The following MYO9A variants were observed in gnomAD, a reference collection of about 807,000 sequenced individuals.
MYO9A encodes myosin IXA.
A neutral mutation model predicts 293.3 loss-of-function variants in MYO9A; 103 were observed. The observed-to-expected ratio is 0.35, with a 90% CI of 0.30 to 0.41. The LOEUF (loss-of-function observed/expected upper bound fraction) is 0.41. Among genes scored for constraint, MYO9A ranks in the 10% least tolerant of loss-of-function variants. The pLI, the probability that MYO9A is intolerant of heterozygous loss-of-function variation, is 1.00. For missense variants in MYO9A, 2,685 were observed against 3,033.0 expected (o/e 0.89, Z 2.69); for synonymous variants, 1,001 against 1,035.7 (o/e 0.97, Z 0.64).
chr15:72,096,775 G>T (rs1011857534), intron 1 of MYO9A, among the ~76,000 whole-genome samples: 1 of 152,186 alleles, frequency 6.6e-6, no homozygotes, highest in Non-Finnish European at 1.5e-5. Context: ...ATGACTCGTG[G>T]GAAGAGGTCA....
intron 4 of MYO9A, among the ~76,000 whole-genome samples, chr15:72,026,287 AAAAAAAAAAG>A (rs1264352150): frequency 7.6e-5 from 11 of 145,116 alleles, no homozygotes; most frequent in Non-Finnish European, 1.7e-4. Context: ...AAAAAAAAAA[AAAAAAAAAAG>A]AAAGAAAAGA....
intron 1 of MYO9A, among the ~76,000 whole-genome samples, chr15:72,064,492 G>A (rs1243119461): frequency 6.6e-6 from 1 of 152,160 alleles, no homozygotes; most frequent in Non-Finnish European, 1.5e-5. Flanking sequence ...AGATGGGGCA[G>A]AGAAGAAGGG....
At position 71,826,525 on chromosome 15, in the gene MYO9A, A is replaced by C; in HGVS notation, c.*55T>G. On this transcript the variant is annotated 3_prime_UTR_variant, in exon 42 of 42. Transcript: ENST00000356056. ...GGACGAGGTGATGAAACGCAGCCCC[A>C]AAGGTGAGATTTGTTTACCACTCTG... 6.7e-7 allele frequency: 1 copy of C among 1,494,150 alleles called. No individual in the cohort carries two copies. Among genetic ancestry groups the C allele is most frequent in the Non-Finnish European group, 9.0e-7 (1 of 1,113,270 alleles). 92.6% of individuals were successfully genotyped at this position (1,494,150 alleles called of 1,614,324 possible). A position where few individuals can be genotyped will look rare whatever the true frequency, so the allele number is the denominator to read the frequency against.
chr15:72,048,098 A>T (rs374550033), intron 1 of MYO9A, among the ~76,000 whole-genome samples: 82 of 151,908 alleles, frequency 5.4e-4, no homozygotes, highest in African/African-American at 1.5e-3. Context: ...CAAAACATAT[A>T]AAAAAAACCC....
At chr15:71,873,563 GTAT>G (rs2056590052) in intron 32 of MYO9A, among the ~76,000 whole-genome samples, 1 of 151,576 alleles carries the variant, frequency 6.6e-6, no homozygotes, top group Non-Finnish European at 1.5e-5. Flanking sequence ...ACTCCTATTT[GTAT>G]TATTGAAAAA....
intron 39 of MYO9A, among the ~76,000 whole-genome samples, chr15:71,841,932 G>C (rs1460903859): frequency 6.6e-6 from 1 of 151,832 alleles, no homozygotes; most frequent in African/African-American, 2.4e-5. Context: ...TTTAACCTAG[G>C]ATTTTTGAAT....
chr15:72,110,465 T>G (rs1461214858), intron 1 of MYO9A, among the ~76,000 whole-genome samples: 1 of 147,020 alleles, frequency 6.8e-6, no homozygotes, highest in African/African-American at 2.5e-5. Flanking sequence ...AAAAGAAAAT[T>G]CCAGAGATTA....
At chr15:72,023,702 A>C (rs1169006359) in intron 4 of MYO9A, among the ~76,000 whole-genome samples, 1 of 151,212 alleles carries the variant, frequency 6.6e-6, no homozygotes, top group Non-Finnish European at 1.5e-5. Context: ...TCTCAAAAAA[A>C]AAAAAAAAAA....
intron 4 of MYO9A, among the ~76,000 whole-genome samples, chr15:72,024,643 TTGA>T (rs926927093): frequency 2.6e-5 from 4 of 152,202 alleles, no homozygotes; most frequent in African/African-American, 9.7e-5. Context: ...TATAAATGTG[TTGA>T]TGGATGTACC....
At chr15:71,875,425 C>G (rs1365242153) in intron 32 of MYO9A, among the ~76,000 whole-genome samples, 1 of 152,078 alleles carries the variant, frequency 6.6e-6, no homozygotes, top group Non-Finnish European at 1.5e-5. Flanking sequence ...GTTCAAATGC[C>G]TTCAGAAATG....
chr15:72,021,139 T>A (rs1338488018), intron 4 of MYO9A, 122 bp from the exon 5 acceptor site: 1 of 595,110 alleles, frequency 1.7e-6, no homozygotes, highest in Non-Finnish European at 2.9e-6. Context: ...TTTTTTAATA[T>A]AAATGTGATA....
At chr15:71,856,815 T>C (rs1399211091) in intron 34 of MYO9A, among the ~76,000 whole-genome samples, 1 of 152,154 alleles carries the variant, frequency 6.6e-6, no homozygotes, top group Non-Finnish European at 1.5e-5. Flanking sequence ...TCTTGGAATA[T>C]TTAGAGGATG....
At chr15:71,954,587 T>C (rs2059135571) in intron 14 of MYO9A, among the ~76,000 whole-genome samples, 2 of 152,240 alleles carry the variant, frequency 1.3e-5, no homozygotes, top group South Asian at 4.1e-4. Context: ...ATTTCTTAGT[T>C]TGACATTATG....
intron 1 of MYO9A, among the ~76,000 whole-genome samples, chr15:72,091,073 C>T (rs1359080277): frequency 6.6e-6 from 1 of 151,722 alleles, no homozygotes; most frequent in Non-Finnish European, 1.5e-5. Context: ...GTGGCTCATA[C>T]CTGTAGTCCT....
Position 71,854,621 on chromosome 15 carries a change from A to ATTGTTTAACCATTTCT in MYO9A, c.6154-53_6154-52insAGAAATGGTTAAACAA, listed in dbSNP as rs539773367. The stretch of plus-strand genomic sequence containing the variant: ...CAAATGCATTCAAACATCTTGAAAC[A>ATTGTTTAACCATTTCT]TGTTTAACCATTTCTTTACCAGGAG... On this transcript the variant is annotated intron_variant, in intron 34 of 41. Coordinates refer to ENST00000356056, the MANE Select transcript of MYO9A (RefSeq NM_006901.4). The ATTGTTTAACCATTTCT allele has an allele frequency of 1.6e-4, 220 of 1,379,242 alleles. No individual in the cohort carries two copies. In the African/African-American group the frequency reaches 2.9e-3, roughly 18 times the overall value. 85.4% of individuals were successfully genotyped at this position (1,379,242 alleles called of 1,614,324 possible).
chr15:71,829,875 C>A (rs966855362), intron 40 of MYO9A, among the ~76,000 whole-genome samples: 1 of 152,130 alleles, frequency 6.6e-6, no homozygotes, highest in Non-Finnish European at 1.5e-5. Context: ...TACAGACCAT[C>A]ACTGTAGCAG....
At chr15:71,946,602 A>C (rs1235426090) in intron 15 of MYO9A, among the ~76,000 whole-genome samples, 5 of 152,230 alleles carry the variant, frequency 3.3e-5, no homozygotes, top group African/African-American at 1.2e-4. Context: ...TGCACTATCC[A>C]ATACAGTAGC....
At chr15:71,942,039 A>G (rs1158529781) in intron 15 of MYO9A, among the ~76,000 whole-genome samples, 1 of 152,034 alleles carries the variant, frequency 6.6e-6, no homozygotes, top group Non-Finnish European at 1.5e-5. Context: ...TCTTAACTAC[A>G]CCAACAAATC....
intron 14 of MYO9A, among the ~76,000 whole-genome samples, chr15:71,953,945 G>C (rs987803135): frequency 6.6e-6 from 1 of 152,014 alleles, no homozygotes; most frequent in African/African-American, 2.4e-5. Flanking sequence ...CGCCAGGCTG[G>C]AGTGCACTGG....
Sources: allele counts gnomAD v4.1 joint callset (sites outside exome capture counted in the v4.1 genomes callset), GRCh38; gene constraint gnomAD v4.1.1; transcripts MANE v1.5; gene names NCBI Gene and HGNC (gene_info 2026-07-23, HGNC 2026-07-21).